MVK: variants seen among roughly 807,000 people sequenced by gnomAD.
MVK encodes the protein LH receptor mRNA-binding protein.
MVK carries 34 observed loss-of-function variants against 43.2 expected under a neutral mutation model. That is an observed-to-expected ratio of 0.79 (90% confidence interval 0.60 to 1.05). MVK has a LOEUF of 1.05. MVK is among the 50% of genes least tolerant of loss of function. The pLI, the probability that MVK is intolerant of heterozygous loss-of-function variation, is 0.00. For missense variants in MVK, 395 were observed against 504.0 expected (o/e 0.78, Z 2.07); for synonymous variants, 190 against 219.8 (o/e 0.86, Z 1.20).
At position 109,581,542 on chromosome 12, in the gene MVK, C is replaced by T. The variant is rs554487221; in HGVS notation, c.519C>T (p.Cys173=). 9 of 1,614,210 alleles carry T rather than the reference C, an allele frequency of 5.6e-6. No homozygotes were observed. Among genetic ancestry groups the T allele is most frequent in the East Asian group, 2.2e-5 (1 of 44,882 alleles). Reference sequence around the variant, plus strand: ...CAAACCCGCTGAAGGACGGGGATTGCGTCAACAGGTAACCATGGTCCTTAC... The same window carrying T: ...CAAACCCGCTGAAGGACGGGGATTGTGTCAACAGGTAACCATGGTCCTTAC... ...EIPNPLKDGD[C]VNRWTKEDLE... Residue 173 remains cysteine (C), a synonymous_variant, in exon 5 of 11, where the codon TGC becomes TGT. Transcript: ENST00000228510.
chr12:109,574,911 G>T lies in MVK; in HGVS notation c.78+11G>T, dbSNP rs754766145. Reference sequence around the variant, plus strand: ...GTGGTACATGGCAAGGTACAAAGCCGTTAGAGCCTTTAAGGATTGGGTACC... The same window carrying T: ...GTGGTACATGGCAAGGTACAAAGCCTTTAGAGCCTTTAAGGATTGGGTACC... On this transcript the variant is annotated intron_variant, in intron 2 of 10. Coordinates refer to ENST00000228510, the MANE Select transcript of MVK (RefSeq NM_000431.4). The T allele has an allele frequency of 6.2e-6, 10 of 1,602,842 alleles. No homozygotes were observed. In the African/African-American group the frequency reaches 1.3e-4, roughly 21 times the overall value.
Position 109,581,521 on chromosome 12 carries a change from C to A in MVK, c.498C>A (p.Asn166Lys), listed in dbSNP as rs765975337. The change falls in exon 5 of 11, where the codon AAC becomes AAA. Residue 166 changes from asparagine to lysine, a missense_variant. By Grantham distance (94) the Asn-to-Lys change is moderately conservative (BLOSUM62 0). Coordinates refer to ENST00000228510, the MANE Select transcript of MVK (RefSeq NM_000431.4). ...ALLTVCEEIP[N>K]PLKDGDCVNR... The stretch of plus-strand genomic sequence containing the variant: ...TGACTGTGTGCGAGGAGATCCCAAA[C>A]CCGCTGAAGGACGGGGATTGCGTCA... 6.2e-7 allele frequency: 1 copy of A among 1,614,228 alleles called. No individual in the cohort carries two copies. Among genetic ancestry groups the A allele is most frequent in the South Asian group, 1.1e-5 (1 of 91,086 alleles).
chr12:109,586,615 T>C, intron 6 of MVK, 139 bp from the exon 7 acceptor site: 2 of 925,624 alleles, frequency 2.2e-6, no homozygotes, highest in Admixed American at 1.9e-5. Context: ...CTTTTGTAAC[T>C]GAAGCTGGGC....
At chr12:109,581,655 A>G in intron 5 of MVK, 105 bp downstream of exon 5, 1 of 1,518,872 alleles carries the variant, frequency 6.6e-7, no homozygotes, top group Non-Finnish European at 9.1e-7. Context: ...GAGAGGTGTC[A>G]TAGTGGCCAT....
chr12:109,580,940 G>A (rs1183326898), intron 4 of MVK, among the ~76,000 whole-genome samples: 3 of 152,118 alleles, frequency 2.0e-5, no homozygotes, highest in African/African-American at 7.2e-5. Context: ...GAGCCAGGAG[G>A]GTCTTTGTGG....
At chr12:109,581,348 C>T (rs764972392) in intron 4 of MVK, 47 bp from the exon 5 acceptor site, 5 of 1,611,198 alleles carry the variant, frequency 3.1e-6, no homozygotes. Flanking sequence ...TGCTGGCACC[C>T]CACTGCCCTG....
At chr12:109,583,560 C>T (rs189461374) in intron 5 of MVK, among the ~76,000 whole-genome samples, 12 of 152,314 alleles carry the variant, frequency 7.9e-5, no homozygotes, top group African/African-American at 1.4e-4. Flanking sequence ...AATAAACACA[C>T]GTGTGCATGT....
rs932116763 is a variant in MVK, at chr12:109,597,907, T to A, written c.*1330T>A. On this transcript the variant is annotated 3_prime_UTR_variant, in exon 11 of 11. Coordinates refer to ENST00000228510, the MANE Select transcript of MVK (RefSeq NM_000431.4). ...GGCAGCTGGCGGCCTTCCCTGCTGT[T>A]GTCTTCCTGCAGGGTGAGAGGAGCA... The A allele has an allele frequency of 6.6e-6, 1 of 152,208 alleles. No homozygotes were observed. Among genetic ancestry groups the A allele is most frequent in the Non-Finnish European group, 1.5e-5 (1 of 68,070 alleles). The allele number at this position is 152,208 out of a possible 1,614,324, so 9.4% of individuals were successfully genotyped here.
intron 7 of MVK, chr12:109,589,336 C>G (rs915774465): frequency 1.3e-5 from 2 of 152,220 alleles, no homozygotes; most frequent in African/African-American, 4.8e-5. Flanking sequence ...ACCTTTGCTG[C>G]CTGCTGTGGG....
chr12:109,574,574 T>G (rs890242588), intron 1 of MVK, among the ~76,000 whole-genome samples: 3 of 152,214 alleles, frequency 2.0e-5, no homozygotes, highest in Non-Finnish European at 2.9e-5. Flanking sequence ...TCTTAGCCAT[T>G]TAAGTGAGTT....
At chr12:109,592,239 G>A (rs1459687499) in intron 9 of MVK, among the ~76,000 whole-genome samples, 1 of 152,204 alleles carries the variant, frequency 6.6e-6, no homozygotes, top group Non-Finnish European at 1.5e-5. Context: ...AATGCTTGGA[G>A]TCTCATGGGT....
In MVK at chr12:109,595,293, G is replaced by C. The variant is rs994819118; in HGVS notation, c.1039+112G>C. On this transcript the variant is annotated intron_variant, in intron 10 of 10. Coordinates refer to ENST00000228510, the MANE Select transcript of MVK (RefSeq NM_000431.4). The surrounding 1 kb of genome is among the most constrained non-coding windows in gnomAD (Gnocchi z 5.9). Reference sequence around the variant, plus strand: ...CCTGGAAACAGGTCTCAGCTCCGCTGTGTGGCCTTGGGCAAGTTAGTTAAC... The same window carrying C: ...CCTGGAAACAGGTCTCAGCTCCGCTCTGTGGCCTTGGGCAAGTTAGTTAAC... The C allele has an allele frequency of 5.0e-6, 7 of 1,400,580 alleles. No individual in the cohort carries two copies. Among genetic ancestry groups the C allele is most frequent in the Middle Eastern group, 2.5e-4 (1 of 3,938 alleles). 86.8% of individuals were successfully genotyped at this position (1,400,580 alleles called of 1,614,324 possible).
At chr12:109,585,337 T>C (rs1156306943) in intron 5 of MVK, among the ~76,000 whole-genome samples, 2 of 152,258 alleles carry the variant, frequency 1.3e-5, no homozygotes, top group East Asian at 1.9e-4. Context: ...AGGTCTGTTA[T>C]AGTGGCAGTT....
intron 4 of MVK, among the ~76,000 whole-genome samples, chr12:109,580,364 A>G (rs1488601523): frequency 6.6e-6 from 1 of 152,092 alleles, no homozygotes; most frequent in Non-Finnish European, 1.5e-5. Context: ...TGGCCTCTGA[A>G]AGTGCTGGGA....
chr12:109,593,022 G>A (rs967637888), intron 9 of MVK, among the ~76,000 whole-genome samples: 1 of 152,236 alleles, frequency 6.6e-6, no homozygotes, highest in Non-Finnish European at 1.5e-5. Context: ...CCGCTGAAAT[G>A]TGCAGCTCAG....
chr12:109,580,137 CTG>C (rs1255929908), intron 4 of MVK, among the ~76,000 whole-genome samples, 191 bp downstream of exon 4: 1 of 152,182 alleles, frequency 6.6e-6, no homozygotes, highest in Non-Finnish European at 1.5e-5. Flanking sequence ...GACAGGGTCT[CTG>C]TTGCTCAGGC....
chr12:109,573,401 A>G (rs1295581786), upstream of MVK: 1 of 1,611,628 alleles, frequency 6.2e-7, no homozygotes, highest in Non-Finnish European at 8.5e-7. Context: ...GGGATACAGG[A>G]GCCTGGCGGC....
At chr12:109,579,137 A>ATTTTTTTTTT in intron 3 of MVK, 1 of 324,192 alleles carries the variant, frequency 3.1e-6, no homozygotes, top group Non-Finnish European at 6.1e-6. Context: ...TAAGACTACA[A>ATTTTTTTTTT]TTTTTTTTTT....
At chr12:109,576,290 C>T (rs1240369523) in intron 3 of MVK, 145 bp downstream of exon 3, 35 of 1,037,602 alleles carry the variant, frequency 3.4e-5, no homozygotes, top group Non-Finnish European at 4.7e-5. Flanking sequence ...TAGCTTCACT[C>T]ATTTTATTTT....
Sources: gnomAD v4.1 joint callset for allele counts (sites outside exome capture counted in the v4.1 genomes callset) on GRCh38, gnomAD v4.1.1 for gene constraint, Gnocchi (gnomAD v3.1) non-coding constraint, MANE v1.5 for transcripts, NCBI Gene and HGNC (gene_info 2026-07-23, HGNC 2026-07-21) for gene names.